Variants in MYOM2 observed in about 807,000 individuals in gnomAD.
MYOM2 encodes the protein myomesin-2.
Under a neutral mutation model 187.6 loss-of-function variants are expected in MYOM2, and 254 were observed. The observed-to-expected ratio is 1.35, with a 90% CI of 1.22 to 1.50. The LOEUF is 1.50. MYOM2 is among the 40% of genes most tolerant of loss of function. The probability of loss-of-function intolerance (pLI) is 0.00; values close to 1 mark genes in which losing one functional copy is unlikely to be tolerated. For missense variants in MYOM2, 2,796 were observed against 1,924.0 expected, an observed-to-expected ratio of 1.45 and a Z score of -8.48; for synonymous variants, 981 against 753.8, an observed-to-expected ratio of 1.30 and a Z score of -4.94.
At position 2,130,604 on chromosome 8, in the gene MYOM2, T is replaced by A. The variant is rs544762982; in HGVS notation, c.3800+1372T>A. On this transcript the variant is annotated intron_variant, in intron 32 of 36. Transcript: ENST00000262113. ...TTCTTAGCTTTTTTCCTATTTCAAT[T>A]TTGACATAGTGTGCTTTTTTCTTAT... Among the ~76,000 whole-genome samples the A allele has an allele frequency of 4.6e-5, 7 of 152,366 alleles. No homozygotes were observed. In the South Asian group the frequency reaches 1.4e-3, roughly 32 times the overall value.
chr8:2,106,362 A>G lies in MYOM2; in HGVS notation c.2855A>G (p.Asp952Gly). 1.2e-6 allele frequency: 2 copies of G among 1,614,210 alleles called. No homozygotes were observed. The change falls in exon 22 of 37, where the codon GAT (aspartate) becomes GGT (glycine). Residue 952 changes from aspartate (D) to glycine (G), a missense_variant. By Grantham distance (94) the Asp-to-Gly change is moderately conservative. Transcript: ENST00000262113. ...TGTAAATCCTACGAGGAGATTTCAG[A>G]TGATGAGAGGTTTAAAATTGAAACC... Reference protein sequence around the residue: ...TWCKSYEEISDDERFKIETVG... With the variant: ...TWCKSYEEISGDERFKIETVG...
At position 2,073,526 on chromosome 8, in the gene MYOM2, G is replaced by A. The variant is rs772638260; in HGVS notation, c.1120+26G>A. 13 of 1,544,606 alleles carry A rather than the reference G, an allele frequency of 8.4e-6. No individual in the cohort carries two copies. The Admixed American group carries it at 1.3e-4, about 15-fold the overall frequency. ...GTGCGGGCAGCAGGGTTCTCAGGGT[G>A]CAGACCTTGTGTGTGCCCGGGGAGG... On this transcript the variant is annotated intron_variant, in intron 10 of 36. Transcript: ENST00000262113.
intron 32 of MYOM2, among the ~76,000 whole-genome samples, chr8:2,134,404 A>T (rs1797992065): frequency 6.6e-6 from 1 of 152,170 alleles, no homozygotes; most frequent in African/African-American, 2.4e-5. Context: ...ATACCTGATC[A>T]CTGGGTTAAG....
At chr8:2,050,368 ATGTTCTCTTGTATTCTAAG>A (rs1818443130) in intron 1 of MYOM2, among the ~76,000 whole-genome samples, 1 of 151,930 alleles carries the variant, frequency 6.6e-6, no homozygotes, top group Non-Finnish European at 1.5e-5. Flanking sequence ...CTCTTATCGT[ATGTTCTCTTGTATTCTAAG>A]TGTTTGTTTA....
In MYOM2 at chr8:2,069,352, C is replaced by T. The variant is rs201125974; in HGVS notation, c.728C>T (p.Ala243Val). The T allele has an allele frequency of 3.1e-5, 50 of 1,614,000 alleles. No homozygotes were observed. The highest frequency in any genetic ancestry group is 1.5e-4 in the African/African-American group (11 of 75,038). ...NAHGQVSTNAAVVVRRFRGDE... is the reference protein window; with the variant it reads ...NAHGQVSTNAVVVVRRFRGDE... ...CACGGACAAGTGTCCACCAACGCGG[C>T]GGTGGTGGTGAGAAGTGAGTGCCGG... Residue 243 changes from alanine (A) to valine (V), a missense_variant, in exon 7 of 37, where the codon GCG (alanine) becomes GTG (valine). Coordinates refer to ENST00000262113, the MANE Select transcript of MYOM2 (RefSeq NM_003970.4).
chr8:2,097,980 C>G (rs1796552802), intron 18 of MYOM2: 2 of 54,942 alleles, frequency 3.6e-5, no homozygotes, highest in Non-Finnish European at 8.9e-5. Context: ...CGCCCCTCAG[C>G]TCCCTGTCTT....
intron 17 of MYOM2, among the ~76,000 whole-genome samples, chr8:2,095,565 T>C (rs1363062542): frequency 6.6e-6 from 1 of 152,220 alleles, no homozygotes; most frequent in East Asian, 1.9e-4. Context: ...GTGCTGGGAC[T>C]ACAGGCATGA....
chr8:2,108,728 C>T, intron 23 of MYOM2, 58 bp from the exon 24 acceptor site: 3 of 1,577,314 alleles, frequency 1.9e-6, no homozygotes, highest in Non-Finnish European at 2.6e-6. Flanking sequence ...TTGCTGTTGT[C>T]TACAAACTTC....
chr8:2,045,745 G>A (rs1299222770), intron 1 of MYOM2, among the ~76,000 whole-genome samples: 1 of 152,192 alleles, frequency 6.6e-6, no homozygotes, highest in Non-Finnish European at 1.5e-5. Flanking sequence ...TGTTGGGTGT[G>A]TTGTGACCCT....
chr8:2,145,394 A>C lies in MYOM2; in HGVS notation c.*413A>C. 1 of 258,512 alleles carries C rather than the reference A, an allele frequency of 3.9e-6. No individual in the cohort carries two copies. The highest frequency in any genetic ancestry group is 7.2e-6 in the Non-Finnish European group (1 of 138,770). The allele number at this position is 258,512 out of a possible 1,614,324, so 16.0% of individuals were successfully genotyped here. ...GAAATCCTGGCTGTCGAGGCTTTGA[A>C]GCATGTGTTACCTGGTTAAGCTTGT... On this transcript the variant is annotated 3_prime_UTR_variant, in exon 37 of 37. Coordinates refer to ENST00000262113, the MANE Select transcript of MYOM2 (RefSeq NM_003970.4).
intron 3 of MYOM2, 72 bp downstream of exon 3, chr8:2,052,385 A>G: frequency 6.8e-7 from 1 of 1,463,880 alleles, no homozygotes; most frequent in Non-Finnish European, 9.1e-7. Context: ...TGGGGTGAGG[A>G]GGGAAGAGCG....
At chr8:2,141,851 A>C (rs1393812721) in intron 34 of MYOM2, among the ~76,000 whole-genome samples, 1 of 152,226 alleles carries the variant, frequency 6.6e-6, no homozygotes, top group Non-Finnish European at 1.5e-5. Context: ...CTGCTCTGCC[A>C]GTCATCATCA....
chr8:2,096,963 G>A (rs977615306), intron 18 of MYOM2: 3 of 209,302 alleles, frequency 1.4e-5, no homozygotes, highest in African/African-American at 7.1e-5. Flanking sequence ...GAGATCTGGG[G>A]TCAGATCCAG....
At chr8:2,139,361 C>A (rs1244135847) in intron 32 of MYOM2, among the ~76,000 whole-genome samples, 1 of 151,750 alleles carries the variant, frequency 6.6e-6, no homozygotes, top group Non-Finnish European at 1.5e-5. Flanking sequence ...GGCTGGTCTC[C>A]AACTCCTGGG....
intron 15 of MYOM2, 61 bp from the exon 16 acceptor site, chr8:2,092,285 T>C: frequency 6.4e-7 from 1 of 1,560,812 alleles, no homozygotes. Context: ...CCGGAAGATC[T>C]CTGCTGTAGC....
chr8:2,131,644 T>C (rs1422073526), intron 32 of MYOM2, among the ~76,000 whole-genome samples: 11 of 19,552 alleles, frequency 5.6e-4, no homozygotes, highest in African/African-American at 1.4e-3. Flanking sequence ...CATTTCTTTC[T>C]TTTTTTTTTT....
chr8:2,098,382 C>G (rs574318743), intron 18 of MYOM2, among the ~76,000 whole-genome samples: 1 of 152,134 alleles, frequency 6.6e-6, no homozygotes, highest in Non-Finnish European at 1.5e-5. Flanking sequence ...AGCCCGGGGG[C>G]TCTTGTCATG....
Position 2,120,680 on chromosome 8 carries a change from T to TTTCCTGTATATATA in MYOM2, c.3454-2571_3454-2570insTCCTGTATATATAT, listed in dbSNP as rs1797411657. On this transcript the variant is annotated intron_variant, in intron 28 of 36. Coordinates refer to ENST00000262113, the MANE Select transcript of MYOM2 (RefSeq NM_003970.4). ...CCTGTATATATATATATATATTATATTATATATAAATATATAATATATATA... is the reference window on the plus strand; with the variant it reads ...CCTGTATATATATATATATATTATATTTCCTGTATATATATATATATAAATATATAATATATATA... Among the ~76,000 whole-genome samples the TTTCCTGTATATATA allele has an allele frequency of 1.8e-3, 87 of 48,294 alleles. 12 individuals carry two copies. The highest frequency in any genetic ancestry group is 5.5e-3 in the African/African-American group (84 of 15,260). The allele number at this position is 48,294 out of a possible 152,430, so 31.7% of individuals were successfully genotyped here. A position where few individuals can be genotyped will look rare whatever the true frequency, so the allele number is the denominator to read the frequency against.
chr8:2,103,002 T>G (rs918170832), intron 21 of MYOM2, among the ~76,000 whole-genome samples: 1 of 151,872 alleles, frequency 6.6e-6, no homozygotes, highest in Non-Finnish European at 1.5e-5. Flanking sequence ...TGGGAGAGTG[T>G]GCATGGATTA....
Sources: allele counts gnomAD v4.1 joint callset (sites outside exome capture counted in the v4.1 genomes callset), GRCh38; gene constraint gnomAD v4.1.1; transcripts MANE v1.5; gene names NCBI Gene and HGNC (gene_info 2026-07-23, HGNC 2026-07-21).